Variants in ZNF69 observed in about 807,000 individuals in gnomAD.
ZNF69 encodes the protein zinc finger protein 69, also known as ZNF3.
In ZNF69, 47 loss-of-function variants were observed where a neutral mutation model predicts 50.9. That is an observed-to-expected ratio of 0.92 (90% confidence interval 0.73 to 1.18). The LOEUF is 1.18. ZNF69 is among the 50% of genes most tolerant of loss of function. ZNF69 has a pLI of 0.00. For synonymous variants in ZNF69, 216 were observed against 223.1 expected, an observed-to-expected ratio of 0.97 and a Z score of 0.29; for missense variants, 717 against 675.1, an observed-to-expected ratio of 1.06 and a Z score of -0.69.
the ZNF69 span, among the ~76,000 whole-genome samples, chr19:11,963,074 TGAGA>T: frequency 8.2e-5 from 11 of 134,396 alleles, no homozygotes; most frequent in East Asian, 4.0e-4. Context: ...GGTAGTTTGG[TGAGA>T]GAGAGAGAGA....
At chr19:11,953,235 G>T in the ZNF69 span, 1 of 152,284 alleles carries the variant, frequency 6.6e-6, no homozygotes, top group Admixed American at 6.5e-5. Flanking sequence ...CAGGATGCAA[G>T]CACAGTGTTG....
the ZNF69 span, chr19:11,947,554 A>G: frequency 6.8e-6 from 11 of 1,613,706 alleles, no homozygotes; most frequent in Non-Finnish European, 9.3e-6. Flanking sequence ...ATGAGTACCA[A>G]AACCCCAGAA....
chr19:11,916,214 G>A (rs1029807398), downstream of ZNF69, among the ~76,000 whole-genome samples: 1 of 151,878 alleles, frequency 6.6e-6, no homozygotes, highest in Non-Finnish European at 1.5e-5. Context: ...AAAAAGTCTA[G>A]GTACTGAACT....
intron 1 of ZNF69, among the ~76,000 whole-genome samples, chr19:11,897,149 A>G (rs1233830596): frequency 6.6e-6 from 1 of 152,084 alleles, no homozygotes; most frequent in African/African-American, 2.4e-5. Context: ...GGAGTTCAAG[A>G]CCAGCCTGAT....
the ZNF69 span, among the ~76,000 whole-genome samples, chr19:11,928,058 C>G: frequency 7.3e-5 from 11 of 151,722 alleles, no homozygotes; most frequent in African/African-American, 2.7e-4. Context: ...AGCAGTGGTG[C>G]GATGATGGCT....
chr19:11,889,924 C>A (rs1977043257), intron 1 of ZNF69, among the ~76,000 whole-genome samples: 1 of 152,166 alleles, frequency 6.6e-6, no homozygotes, highest in Non-Finnish European at 1.5e-5. Context: ...AGGAAAGATA[C>A]TGTGCCTGGA....
At chr19:11,895,425 C>T (rs938566355) in intron 1 of ZNF69, among the ~76,000 whole-genome samples, 3 of 152,198 alleles carry the variant, frequency 2.0e-5, no homozygotes, top group Non-Finnish European at 4.4e-5. Context: ...AACAAGGAGA[C>T]GTCGCTCAGG....
chr19:11,921,156 T>C, the ZNF69 span, among the ~76,000 whole-genome samples: 1 of 152,088 alleles, frequency 6.6e-6, no homozygotes, highest in Non-Finnish European at 1.5e-5. Flanking sequence ...GACTAACAAA[T>C]GTCTGGATTT....
chr19:11,924,390 C>G, the ZNF69 span, among the ~76,000 whole-genome samples: 3 of 145,716 alleles, frequency 2.1e-5, no homozygotes, highest in East Asian at 5.9e-4. Context: ...CGAGATCGCA[C>G]CACTGCACTC....
chr19:11,944,417 T>C, the ZNF69 span, among the ~76,000 whole-genome samples: 7 of 152,216 alleles, frequency 4.6e-5, no homozygotes, highest in African/African-American at 1.7e-4. Context: ...CCACTCCACC[T>C]TTCCGGAACT....
At chr19:11,917,101 G>T (rs1465969241), downstream of ZNF69, among the ~76,000 whole-genome samples, 1 of 152,190 alleles carries the variant, frequency 6.6e-6, no homozygotes, top group African/African-American at 2.4e-5. Flanking sequence ...GGCCCCTGGG[G>T]CTTTGACTTG....
chr19:11,891,541 G>T (rs1056222416), intron 1 of ZNF69, among the ~76,000 whole-genome samples: 3 of 152,086 alleles, frequency 2.0e-5, no homozygotes, highest in Non-Finnish European at 4.4e-5. Flanking sequence ...TCTTAGGTAG[G>T]GATCTTGTCT....
At chr19:11,893,585 C>T (rs1977148666) in intron 1 of ZNF69, among the ~76,000 whole-genome samples, 1 of 152,218 alleles carries the variant, frequency 6.6e-6, no homozygotes, top group African/African-American at 2.4e-5. Context: ...CGGTTCCTTT[C>T]TGGAAACATT....
At chr19:11,907,659 T>G (rs560629452), downstream of ZNF69, among the ~76,000 whole-genome samples, 5 of 152,008 alleles carry the variant, frequency 3.3e-5, no homozygotes, top group East Asian at 9.7e-4. Flanking sequence ...CTGTAAAAGA[T>G]CTCCTGAAGG....
chr19:11,950,452 C>T, the ZNF69 span: 1 of 718,886 alleles, frequency 1.4e-6, no homozygotes, highest in Non-Finnish European at 2.5e-6. Context: ...TGAAAGGACT[C>T]ACACGGGAGA....
chr19:11,964,913 G>A, the ZNF69 span: 3 of 414,686 alleles, frequency 7.2e-6, no homozygotes, highest in Non-Finnish European at 1.3e-5. Context: ...TGGCTCTGCC[G>A]GGCCTGATAC....
chr19:11,962,638 C>T, the ZNF69 span, among the ~76,000 whole-genome samples: 17 of 151,998 alleles, frequency 1.1e-4, no homozygotes, highest in Non-Finnish European at 1.5e-4. Context: ...GCTGAGATTA[C>T]AGTCATGGAC....
At chr19:11,926,093 TC>T in the ZNF69 span, among the ~76,000 whole-genome samples, 1 of 138,626 alleles carries the variant, frequency 7.2e-6, no homozygotes, top group African/African-American at 2.8e-5. Context: ...AGGAAGGGGG[TC>T]TGTTATCTGC....
At chr19:11,968,100 A>G in the ZNF69 span, among the ~76,000 whole-genome samples, 1 of 152,138 alleles carries the variant, frequency 6.6e-6, no homozygotes, top group African/African-American at 2.4e-5. Flanking sequence ...GTGACTGGCA[A>G]GGAGTGTTTC....
Sources: gnomAD v4.1 joint callset for allele counts (sites outside exome capture counted in the v4.1 genomes callset) on GRCh38, gnomAD v4.1.1 for gene constraint, MANE v1.5 for transcripts, NCBI Gene and HGNC (gene_info 2026-07-23, HGNC 2026-07-21) for gene names.